Variants in ITGB5 observed in about 807,000 individuals in gnomAD.
ITGB5 encodes the protein integrin subunit beta 5.
In ITGB5, 38 loss-of-function variants were observed where a neutral mutation model predicts 84.8. The observed-to-expected ratio is 0.45, with a 90% CI of 0.35 to 0.59. The LOEUF (loss-of-function observed/expected upper bound fraction) is 0.59, where lower values mean the gene tolerates loss of function less well. ITGB5 is among the 20% of genes least tolerant of loss of function. The pLI is 0.01. For missense variants in ITGB5, 905 were observed against 1,034.5 expected (o/e 0.87, Z 1.72); for synonymous variants, 393 against 414.4 (o/e 0.95, Z 0.63).
intron 1 of ITGB5, among the ~76,000 whole-genome samples, chr3:124,878,976 G>A (rs1255705257): frequency 1.3e-5 from 2 of 152,096 alleles, no homozygotes; most frequent in South Asian, 2.1e-4. Context: ...TATCTCTTTT[G>A]CCTCACGTCT....
chr3:124,844,727 G>A (rs1017086930), intron 4 of ITGB5, among the ~76,000 whole-genome samples: 10 of 152,166 alleles, frequency 6.6e-5, no homozygotes, highest in East Asian at 1.9e-4. Context: ...GCATAAAGCC[G>A]AACAGCACAA....
intron 5 of ITGB5, among the ~76,000 whole-genome samples, chr3:124,825,378 CAAAT>C (rs1217528680): frequency 6.6e-6 from 1 of 152,120 alleles, no homozygotes; most frequent in Non-Finnish European, 1.5e-5. Context: ...ACTTTATGCT[CAAAT>C]AAAAACCTAT....
chr3:124,873,596 G>T, intron 1 of ITGB5, 65 bp from the exon 2 acceptor site: 1 of 1,161,566 alleles, frequency 8.6e-7, no homozygotes, highest in South Asian at 1.2e-5. Context: ...TCAAGCCTTT[G>T]AATAGGGGGA....
intron 1 of ITGB5, among the ~76,000 whole-genome samples, chr3:124,899,346 G>A (rs951730820): frequency 6.6e-6 from 1 of 152,148 alleles, no homozygotes; most frequent in Non-Finnish European, 1.5e-5. Context: ...AAGTTCAGGT[G>A]CAGCAAAGGG....
chr3:124,892,254 A>G (rs1935016278), upstream of ITGB5, among the ~76,000 whole-genome samples: 1 of 151,884 alleles, frequency 6.6e-6, no homozygotes, highest in Admixed American at 6.6e-5. Context: ...TCGGCTTCCC[A>G]AAGTGCTGGG....
At chr3:124,854,519 T>C (rs989078356) in intron 3 of ITGB5, among the ~76,000 whole-genome samples, 3 of 152,156 alleles carry the variant, frequency 2.0e-5, no homozygotes, top group Non-Finnish European at 4.4e-5. Flanking sequence ...ACCCACACAT[T>C]TTATGACGTA....
At chr3:124,826,849 G>A (rs1052852420) in intron 5 of ITGB5, among the ~76,000 whole-genome samples, 2 of 152,152 alleles carry the variant, frequency 1.3e-5, no homozygotes, top group African/African-American at 4.8e-5. Context: ...TGTGAAGTGG[G>A]CTCTTGTTAT....
chr3:124,844,468 G>T (rs1277632581), intron 4 of ITGB5, among the ~76,000 whole-genome samples: 1 of 152,132 alleles, frequency 6.6e-6, no homozygotes, highest in East Asian at 1.9e-4. Context: ...GCTGAGTCAG[G>T]ATAATCACTT....
intron 3 of ITGB5, 39 bp from the exon 4 acceptor site, chr3:124,848,597 C>T: frequency 6.3e-7 from 1 of 1,587,084 alleles, no homozygotes; most frequent in Non-Finnish European, 8.6e-7. Flanking sequence ...AGAGGTTGTG[C>T]AACCTGCTGA....
intron 1 of ITGB5, among the ~76,000 whole-genome samples, chr3:124,896,622 G>T (rs1935105651): frequency 6.6e-6 from 1 of 151,830 alleles, no homozygotes; most frequent in Non-Finnish European, 1.5e-5. Context: ...TGACATGCAT[G>T]TTGTCCCAGC....
intron 11 of ITGB5, among the ~76,000 whole-genome samples, chr3:124,772,326 C>T (rs1391870753): frequency 6.6e-6 from 1 of 152,232 alleles, no homozygotes; most frequent in East Asian, 1.9e-4. Flanking sequence ...CCATCTGCAG[C>T]CAGCTTTCAA....
intron 2 of ITGB5, among the ~76,000 whole-genome samples, chr3:124,861,466 AAAAAC>A (rs1484579734): frequency 6.8e-6 from 1 of 147,216 alleles, no homozygotes; most frequent in East Asian, 2.0e-4. Context: ...ACTTTGTTAA[AAAAAC>A]AAAACAAAAC....
Position 124,763,520 on chromosome 3 carries a change from G to A in ITGB5, c.*103C>T. ...AGGCTCACTAGAAGGTCTTCTCTGT[G>A]GTGCCTACCTAGGGAGCTGTGATCA... On this transcript the variant is annotated 3_prime_UTR_variant, in exon 15 of 15. Transcript: ENST00000296181. 1.5e-6 allele frequency: 1 copy of A among 684,104 alleles called. No individual in the cohort carries two copies. The highest frequency in any genetic ancestry group is 2.6e-6 in the Non-Finnish European group (1 of 381,088). The allele number at this position is 684,104 out of a possible 1,614,324, so 42.4% of individuals were successfully genotyped here.
intron 5 of ITGB5, among the ~76,000 whole-genome samples, chr3:124,833,470 A>C (rs529352624): frequency 6.6e-6 from 1 of 152,170 alleles, no homozygotes; most frequent in Non-Finnish European, 1.5e-5. Flanking sequence ...GAGGATAGAG[A>C]CTTCTCATCT....
chr3:124,881,837 G>T (rs1000999590), intron 1 of ITGB5, among the ~76,000 whole-genome samples: 2 of 152,116 alleles, frequency 1.3e-5, no homozygotes, highest in African/African-American at 4.8e-5. Flanking sequence ...GTGCGGTGGT[G>T]TACGCCTGTA....
chr3:124,894,128 A>ATTTTTTT (rs1464038480), intron 1 of ITGB5, among the ~76,000 whole-genome samples: 1 of 61,986 alleles, frequency 1.6e-5, no homozygotes, highest in Non-Finnish European at 3.5e-5. Flanking sequence ...AAGTTGTGAT[A>ATTTTTTT]TTTTTCTTTT....
At chr3:124,872,568 C>T (rs1463374717) in intron 2 of ITGB5, among the ~76,000 whole-genome samples, 2 of 152,134 alleles carry the variant, frequency 1.3e-5, no homozygotes, top group Non-Finnish European at 2.9e-5. Flanking sequence ...CTGACAGGGA[C>T]CACGCACTGC....
chr3:124,819,694 C>T (rs966817771), intron 7 of ITGB5, 45 bp downstream of exon 7: 4 of 1,372,314 alleles, frequency 2.9e-6, no homozygotes, highest in Non-Finnish European at 3.1e-6. Context: ...TCCTCACCAC[C>T]CACTTCACCC....
chr3:124,858,442 C>A (rs2107616668), intron 3 of ITGB5, among the ~76,000 whole-genome samples: 1 of 152,254 alleles, frequency 6.6e-6, no homozygotes, highest in South Asian at 2.1e-4. Flanking sequence ...CAGCATCCTC[C>A]TAGAATAAAC....
Sources: allele counts gnomAD v4.1 joint callset (sites outside exome capture counted in the v4.1 genomes callset), GRCh38; gene constraint gnomAD v4.1.1; transcripts MANE v1.5; gene names NCBI Gene and HGNC (gene_info 2026-07-23, HGNC 2026-07-21).